The following TMPRSS15 variants were observed in gnomAD, a reference collection of about 807,000 sequenced individuals.
The protein encoded by TMPRSS15 is transmembrane serine protease 15.
Under a neutral mutation model 125.3 loss-of-function variants are expected in TMPRSS15, and 128 were observed. The ratio of observed to expected loss-of-function variants is 1.02; its 90% confidence interval spans 0.89 to 1.18. The LOEUF is 1.18. Ranked by LOEUF, TMPRSS15 falls within the 50% of genes most tolerant of loss-of-function variation. The pLI is 0.00. For synonymous variants in TMPRSS15, 446 were observed against 423.2 expected (o/e 1.05, Z -0.66); for missense variants, 1,283 against 1,212.7 (o/e 1.06, Z -0.86).
rs570522035 is a variant in TMPRSS15, at chr21:18,403,520, A to G, written c.103T>C (p.Leu35=). 2 of 1,614,166 alleles carry G rather than the reference A, an allele frequency of 1.2e-6. No homozygotes were observed. The highest frequency in any genetic ancestry group is 8.5e-7 in the Non-Finnish European group (1 of 1,180,014). The change falls in exon 1 of 25, where the codon TTA becomes CTA. Residue 35 remains leucine, a synonymous_variant. Transcript: ENST00000284885. ...FAILVVLCAG[L]IAVSCLTIKE... ...ATTGTCAGGCAGGATACTGCAATTA[A>G]TCCAGCACAGAGCACTACCAATATG...
chr21:18,440,298 G>T (rs879661829), intron 1 of TMPRSS15, among the ~76,000 whole-genome samples: 1 of 138,568 alleles, frequency 7.2e-6, no homozygotes, highest in Non-Finnish European at 1.5e-5. Flanking sequence ...GCGTGAACCC[G>T]GGAGGCGGAG....
chr21:18,300,955 A>G (rs996851135), intron 18 of TMPRSS15, among the ~76,000 whole-genome samples: 3 of 152,190 alleles, frequency 2.0e-5, no homozygotes, highest in Admixed American at 1.3e-4. Flanking sequence ...TTGGAGATAC[A>G]TATACACATG....
rs1569004080 is a variant in TMPRSS15, at chr21:18,317,801, TCCCA to T, written c.1922-2549_1922-2546del. ...TCCCATCCCATCCCATCCCATCCCA[TCCCA>T]TCCCATCCCATTCTATCCTATCCCA... On this transcript the variant is annotated intron_variant, in intron 16 of 24. Coordinates refer to ENST00000284885, the MANE Select transcript of TMPRSS15 (RefSeq NM_002772.3). Among the ~76,000 whole-genome samples, 504 of 107,196 alleles carry T rather than the reference TCCCA, an allele frequency of 4.7e-3. 13 individuals carry two copies. The highest frequency in any genetic ancestry group is 8.1e-3 in the Middle Eastern group (2 of 246). 70.3% of individuals were successfully genotyped at this position (107,196 alleles called of 152,430 possible).
intron 1 of TMPRSS15, among the ~76,000 whole-genome samples, chr21:18,453,304 C>A (rs1396295318): frequency 1.3e-5 from 2 of 152,184 alleles, no homozygotes; most frequent in Non-Finnish European, 2.9e-5. Context: ...TACTCATAAA[C>A]ACGTGTCATG....
At chr21:18,310,101 A>G (rs1034683580) in intron 18 of TMPRSS15, among the ~76,000 whole-genome samples, 6 of 152,178 alleles carry the variant, frequency 3.9e-5, no homozygotes, top group Non-Finnish European at 5.9e-5. Context: ...GCCATAGTTA[A>G]CAATATATTA....
chr21:18,412,408 A>G (rs2300514), intron 1 of TMPRSS15, among the ~76,000 whole-genome samples: 28,830 of 152,092 alleles, frequency 0.19, 3,452 homozygotes, highest in East Asian at 0.47. Context: ...TTTCTTTTCT[A>G]AGCGAAAGAA....
At chr21:18,393,278 CA>C (rs1038418021) in intron 3 of TMPRSS15, among the ~76,000 whole-genome samples, 1 of 151,968 alleles carries the variant, frequency 6.6e-6, no homozygotes, top group African/African-American at 2.4e-5. Context: ...CAAGCAGGAT[CA>C]GTGGATGAAA....
In TMPRSS15 at chr21:18,281,149, T is replaced by G. The variant is rs1345764657; in HGVS notation, c.2559A>C (p.Gln853His). The change falls in exon 22 of 25, where the codon CAA becomes CAC. Residue 853 changes from glutamine (Q) to histidine (H), a missense_variant. Coordinates refer to ENST00000284885, the MANE Select transcript of TMPRSS15 (RefSeq NM_002772.3). ...TTTCATCTATTAATCGAGGGACTGTTTGAGGAGAGGTCAGATTTGATTTCA... is the reference window on the plus strand; with the variant it reads ...TTTCATCTATTAATCGAGGGACTGTGTGAGGAGAGGTCAGATTTGATTTCA... ...LHMKSNLTSP[Q>H]TVPRLIDEIV... The G allele has an allele frequency of 6.2e-7, 1 of 1,614,084 alleles. No homozygotes were observed. Among genetic ancestry groups the G allele is most frequent in the Admixed American group, 1.7e-5 (1 of 60,020 alleles).
At chr21:18,297,195 G>A (rs1383172584) in intron 19 of TMPRSS15, among the ~76,000 whole-genome samples, 1 of 152,130 alleles carries the variant, frequency 6.6e-6, no homozygotes, top group Admixed American at 6.5e-5. Flanking sequence ...CCTTAGTAAA[G>A]GCTATAAAAG....
chr21:18,393,058 G>A (rs1162347352), intron 3 of TMPRSS15, among the ~76,000 whole-genome samples: 7 of 152,100 alleles, frequency 4.6e-5, no homozygotes, highest in Admixed American at 3.9e-4. Context: ...AAGCAGGATG[G>A]TTTTGAGGGT....
At chr21:18,316,446 T>C (rs911727153) in intron 16 of TMPRSS15, among the ~76,000 whole-genome samples, 1 of 152,036 alleles carries the variant, frequency 6.6e-6, no homozygotes, top group Non-Finnish European at 1.5e-5. Flanking sequence ...CAAAGTTGGA[T>C]TGGGTCGGAA....
intron 1 of TMPRSS15, among the ~76,000 whole-genome samples, chr21:18,401,308 A>G (rs2076092807): frequency 6.6e-6 from 1 of 152,190 alleles, no homozygotes; most frequent in Non-Finnish European, 1.5e-5. Flanking sequence ...AGTTTACAAT[A>G]GCAAAGTTAT....
chr21:18,434,713 T>G (rs1041645795), intron 1 of TMPRSS15, among the ~76,000 whole-genome samples: 28 of 152,228 alleles, frequency 1.8e-4, no homozygotes, highest in African/African-American at 6.3e-4. Flanking sequence ...TATCATTTGA[T>G]AAACATCTTA....
chr21:18,350,908 C>T (rs573352414), intron 10 of TMPRSS15, among the ~76,000 whole-genome samples: 1 of 151,882 alleles, frequency 6.6e-6, no homozygotes, highest in South Asian at 2.1e-4. Flanking sequence ...AATAAAAGAA[C>T]AAAATAATAC....
chr21:18,311,896 G>A (rs1028374964), intron 18 of TMPRSS15, among the ~76,000 whole-genome samples: 5 of 152,022 alleles, frequency 3.3e-5, no homozygotes, highest in African/African-American at 4.8e-5. Flanking sequence ...TTATAGATTG[G>A]TATATGGATA....
In TMPRSS15 at chr21:18,345,666, G is replaced by A. The variant is rs991392936; in HGVS notation, c.1172-1606C>T. ...TGAGGCAGGAGAATGACGTGAACCC[G>A]GGAGGTGGAGCTTGCAGTGAGCCGA... On this transcript the variant is annotated intron_variant, in intron 10 of 24. Coordinates refer to ENST00000284885, the MANE Select transcript of TMPRSS15 (RefSeq NM_002772.3). 2.2e-5 allele frequency among the ~76,000 whole-genome samples: 3 copies of A among 137,014 alleles called. No individual in the cohort carries two copies. The East Asian group carries it at 6.6e-4, about 30-fold the overall frequency. The allele number at this position is 137,014 out of a possible 152,430, so 89.9% of individuals were successfully genotyped here. A position where few individuals can be genotyped will look rare whatever the true frequency, so the allele number is the denominator to read the frequency against.
At chr21:18,390,697 C>A (rs140010325) in intron 3 of TMPRSS15, among the ~76,000 whole-genome samples, 3 of 151,884 alleles carry the variant, frequency 2.0e-5, no homozygotes, top group Non-Finnish European at 4.4e-5. Context: ...CCAGGGAAGG[C>A]GACATGGACT....
upstream of TMPRSS15, among the ~76,000 whole-genome samples, chr21:18,408,650 A>G (rs1401540177): frequency 1.3e-5 from 2 of 152,114 alleles, no homozygotes; most frequent in East Asian, 3.9e-4. Context: ...TTTGTATTTT[A>G]GGTTTTTAAA....
chr21:18,294,122 A>T, intron 21 of TMPRSS15, 148 bp downstream of exon 21: 1 of 935,288 alleles, frequency 1.1e-6, no homozygotes, highest in South Asian at 1.4e-5. Context: ...ACATGACATT[A>T]ATGGGAAAAT....
Sources: gnomAD v4.1 joint callset for allele counts (sites outside exome capture counted in the v4.1 genomes callset) on GRCh38, gnomAD v4.1.1 for gene constraint, MANE v1.5 for transcripts, NCBI Gene and HGNC (gene_info 2026-07-23, HGNC 2026-07-21) for gene names.